Variants in IL12RB2 observed in about 807,000 individuals in gnomAD.
The protein encoded by IL12RB2 is interleukin-12 receptor subunit beta-2.
Under a neutral mutation model 89.4 loss-of-function variants are expected in IL12RB2, and 82 were observed. The observed-to-expected ratio is 0.92, with a 90% CI of 0.77 to 1.10. IL12RB2 has a LOEUF of 1.10. Among genes scored for constraint, IL12RB2 ranks in the 50% least tolerant of loss-of-function variants. The probability of loss-of-function intolerance (pLI) is 0.00; values close to 1 mark genes in which losing one functional copy is unlikely to be tolerated. For synonymous variants in IL12RB2, 368 were observed against 370.1 expected (o/e 0.99, Z 0.07); for missense variants, 963 against 1,031.9 (o/e 0.93, Z 0.92).
At position 67,368,168 on chromosome 1, in the gene IL12RB2, G is replaced by A. The variant is rs190443334; in HGVS notation, c.1459+143G>A. 3.3e-4 allele frequency: 231 copies of A among 695,334 alleles called. 2 individuals are homozygous for A. The highest frequency in any genetic ancestry group is 1.3e-4 in the Non-Finnish European group (51 of 382,322). The allele number at this position is 695,334 out of a possible 1,614,324, so 43.1% of individuals were successfully genotyped here. Reference sequence around the variant, plus strand: ...CTGATGACCTAGAGTCCACCCAGCAGCACTTTAGACTACTCCACTGCAGAC... The same window carrying A: ...CTGATGACCTAGAGTCCACCCAGCAACACTTTAGACTACTCCACTGCAGAC... On this transcript the variant is annotated intron_variant, in intron 11 of 16. Coordinates refer to ENST00000674203, the MANE Select transcript of IL12RB2 (RefSeq NM_001374259.2).
intron 15 of IL12RB2, among the ~76,000 whole-genome samples, 159 bp downstream of exon 15, chr1:67,386,828 A>G (rs1665202173): frequency 6.8e-6 from 1 of 147,068 alleles, no homozygotes; most frequent in African/African-American, 2.6e-5. Context: ...CAAATCCTTA[A>G]AAATATATCT....
chr1:67,307,654 C>T (rs1654432696), upstream of IL12RB2: 1 of 152,342 alleles, frequency 6.6e-6, no homozygotes, highest in African/African-American at 2.4e-5. Flanking sequence ...CTTCGACCCG[C>T]GGGGTGGAAA....
chr1:67,311,240 G>A (rs1423868957), intron 1 of IL12RB2, among the ~76,000 whole-genome samples: 2 of 152,196 alleles, frequency 1.3e-5, no homozygotes, highest in Non-Finnish European at 2.9e-5. Context: ...ATGCCTCTTG[G>A]AGGTAGTAGC....
At chr1:67,378,029 G>A (rs569368038) in intron 13 of IL12RB2, among the ~76,000 whole-genome samples, 10 of 152,204 alleles carry the variant, frequency 6.6e-5, no homozygotes, top group Admixed American at 3.3e-4. Context: ...GGGAGGCCAC[G>A]GTGGGAGAAT....
Position 67,330,790 on chromosome 1 carries a change from G to C in IL12RB2, c.938G>C (p.Arg313Thr). The change falls in exon 8 of 17, where the codon AGA (arginine) becomes ACA (threonine). Residue 313 changes from arginine to threonine, a missense_variant. Coordinates refer to ENST00000674203, the MANE Select transcript of IL12RB2 (RefSeq NM_001374259.2). The part of the protein sequence containing the change: ...GSWSDWSESL[R>T]AQTPEEEPTG... ...TGGAGTGATTGGAGTGAATCATTGA[G>C]AGCACAAACACCAGAAGAAGGTATA... 6.3e-7 allele frequency: 1 copy of C among 1,577,150 alleles called. No individual in the cohort carries two copies. The highest frequency in any genetic ancestry group is 2.2e-5 in the East Asian group (1 of 44,638).
At chr1:67,382,507 A>G (rs934559572) in intron 14 of IL12RB2, among the ~76,000 whole-genome samples, 2 of 152,056 alleles carry the variant, frequency 1.3e-5, no homozygotes, top group African/African-American at 4.8e-5. Context: ...CCAGGTACAC[A>G]TGGTCCTGTT....
chr1:67,324,854 TA>T (rs778104116), intron 4 of IL12RB2, among the ~76,000 whole-genome samples: 2 of 152,212 alleles, frequency 1.3e-5, no homozygotes, highest in Non-Finnish European at 2.9e-5. Context: ...ATTTGATGAC[TA>T]ACTGGATGTA....
At chr1:67,357,899 A>T (rs1168521987) in intron 10 of IL12RB2, among the ~76,000 whole-genome samples, 2 of 152,222 alleles carry the variant, frequency 1.3e-5, no homozygotes, top group Non-Finnish European at 2.9e-5. Context: ...GCAGAAATAG[A>T]AGTTATATCA....
chr1:67,343,499 A>G (rs1659884468), intron 9 of IL12RB2, among the ~76,000 whole-genome samples: 1 of 152,218 alleles, frequency 6.6e-6, no homozygotes, highest in South Asian at 2.1e-4. Context: ...CAATAAAAGT[A>G]AAAAATGTTG....
intron 5 of IL12RB2, among the ~76,000 whole-genome samples, chr1:67,327,727 G>A (rs996735994): frequency 9.9e-5 from 15 of 152,114 alleles, no homozygotes; most frequent in African/African-American, 3.4e-4. Flanking sequence ...GGAAAGGAGG[G>A]GTTCTGTAGT....
At chr1:67,320,724 TTTTTCTTTTTTTTC>T (rs1656378410) in intron 3 of IL12RB2, among the ~76,000 whole-genome samples, 1 of 152,180 alleles carries the variant, frequency 6.6e-6, no homozygotes. Flanking sequence ...TTTCAGCACA[TTTTTCTTTTTTTTC>T]TTTTCTTTTT....
At chr1:67,309,150 TCTG>T (rs1654696848) in intron 1 of IL12RB2, among the ~76,000 whole-genome samples, 2 of 152,148 alleles carry the variant, frequency 1.3e-5, no homozygotes, top group South Asian at 4.1e-4. Flanking sequence ...ATTGTTATAA[TCTG>T]CTATGTGTGT....
intron 3 of IL12RB2, 33 bp from the exon 4 acceptor site, chr1:67,321,569 C>T (rs1656530175): frequency 1.4e-6 from 2 of 1,447,622 alleles, no homozygotes; most frequent in Non-Finnish European, 1.9e-6. Flanking sequence ...TTTATTATCA[C>T]CAACTAAATA....
intron 9 of IL12RB2, among the ~76,000 whole-genome samples, chr1:67,340,789 G>C (rs916974399): frequency 6.6e-6 from 1 of 152,226 alleles, no homozygotes; most frequent in Non-Finnish European, 1.5e-5. Context: ...CTTGGTAAAT[G>C]TGAGTATGTG....
chr1:67,351,108 T>C lies in IL12RB2; in HGVS notation c.1258+19T>C. On this transcript the variant is annotated intron_variant, in intron 10 of 16. Transcript: ENST00000674203. ...GAGGCAGGTAAGTTCTAATTTTTCT[T>C]TAACATTGCCTGTGGAAAACTGTGT... 6.2e-7 allele frequency: 1 copy of C among 1,611,364 alleles called. No individual in the cohort carries two copies. The highest frequency in any genetic ancestry group is 8.5e-7 in the Non-Finnish European group (1 of 1,179,452).
At chr1:67,359,146 A>G (rs1661711037) in intron 10 of IL12RB2, among the ~76,000 whole-genome samples, 2 of 152,250 alleles carry the variant, frequency 1.3e-5, no homozygotes, top group Admixed American at 6.5e-5. Flanking sequence ...GTCTGAAAAA[A>G]TAAAATAAAA....
At chr1:67,388,718 A>G in intron 15 of IL12RB2, among the ~76,000 whole-genome samples, 1 of 152,158 alleles carries the variant, frequency 6.6e-6, no homozygotes. Flanking sequence ...GTTTAATTAT[A>G]TTTTTAGAAT....
chr1:67,377,847 G>A lies in IL12RB2; in HGVS notation c.1718-2139G>A, dbSNP rs1013344952. Among the ~76,000 whole-genome samples the A allele has an allele frequency of 6.6e-5, 10 of 152,076 alleles. 1 individual carries two copies. The highest frequency in any genetic ancestry group is 1.4e-4 in the African/African-American group (6 of 41,426). On this transcript the variant is annotated intron_variant, in intron 13 of 16. Coordinates refer to ENST00000674203, the MANE Select transcript of IL12RB2 (RefSeq NM_001374259.2). ...ACCTCAAAACCCACTGAAACTCGGC[G>A]GGGTGCGGTGGCTCACGCCTGTAAT...
intron 10 of IL12RB2, among the ~76,000 whole-genome samples, chr1:67,356,732 C>T (rs998552366): frequency 1.3e-5 from 2 of 152,080 alleles, no homozygotes; most frequent in African/African-American, 2.4e-5. Context: ...TGTACTTTGA[C>T]TCCTCTCCCT....
Sources: allele counts gnomAD v4.1 joint callset (sites outside exome capture counted in the v4.1 genomes callset), GRCh38; gene constraint gnomAD v4.1.1; transcripts MANE v1.5; gene names NCBI Gene and HGNC (gene_info 2026-07-23, HGNC 2026-07-21).